The following DPP6 variants were observed in gnomAD, a reference collection of about 807,000 sequenced individuals.
The protein encoded by DPP6 is dipeptidyl peptidase like 6, also known as A-type potassium channel modulatory protein DPP6.
DPP6 carries 69 observed loss-of-function variants against 122.6 expected under a neutral mutation model. The observed-to-expected ratio is 0.56, with a 90% CI of 0.46 to 0.69. The LOEUF (loss-of-function observed/expected upper bound fraction) is 0.69, where lower values mean the gene tolerates loss of function less well. Among genes scored for constraint, DPP6 ranks in the 30% least tolerant of loss-of-function variants. The pLI, the probability that DPP6 is intolerant of heterozygous loss-of-function variation, is 0.00. For synonymous variants in DPP6, 418 were observed against 433.1 expected (o/e 0.97, Z 0.43); for missense variants, 928 against 1,116.9 (o/e 0.83, Z 2.41).
intron 1 of DPP6, among the ~76,000 whole-genome samples, chr7:153,927,401 T>C (rs1800951343): frequency 6.6e-6 from 1 of 152,250 alleles, no homozygotes; most frequent in Admixed American, 6.5e-5. Context: ...ATGTATACTT[T>C]GTAAAATGTG....
chr7:154,433,632 A>G (rs1414735650), intron 1 of DPP6, among the ~76,000 whole-genome samples: 1 of 152,184 alleles, frequency 6.6e-6, no homozygotes, highest in East Asian at 1.9e-4. Context: ...TGAGAAATAC[A>G]TGAAGCTATT....
At chr7:154,610,707 CTGTGTGTGTGTGTGTGTGTG>C (rs10525265) in intron 5 of DPP6, among the ~76,000 whole-genome samples, 61,967 of 121,854 alleles carry the variant, frequency 0.51, 13,059 homozygotes, top group Non-Finnish European at 0.57. Context: ...GTGTTGTTCT[CTGTGTGTGTGTGTGTGTGTG>C]TGTGTGTGTG....
intron 1 of DPP6, among the ~76,000 whole-genome samples, chr7:153,931,118 A>G (rs1203980466): frequency 6.6e-6 from 1 of 152,238 alleles, no homozygotes; most frequent in Non-Finnish European, 1.5e-5. Context: ...TTTCAGAAGC[A>G]GTCTCGGGAG....
At chr7:153,818,115 C>A in the DPP6 span, among the ~76,000 whole-genome samples, 9 of 151,454 alleles carry the variant, frequency 5.9e-5, no homozygotes, top group Non-Finnish European at 5.9e-5. Flanking sequence ...TGTAATCCAG[C>A]AATTCAAAGA....
intron 7 of DPP6, among the ~76,000 whole-genome samples, chr7:154,704,075 A>G (rs1840687325): frequency 6.6e-6 from 1 of 152,274 alleles, no homozygotes. Context: ...GAACATTCAT[A>G]TGCATTAGAG....
intron 1 of DPP6, among the ~76,000 whole-genome samples, chr7:153,915,071 T>G (rs534830319): frequency 2.6e-5 from 4 of 152,342 alleles, no homozygotes; most frequent in South Asian, 4.1e-4. Flanking sequence ...TGATTTCTCT[T>G]GGAGGAAGTG....
the DPP6 span, among the ~76,000 whole-genome samples, chr7:153,789,141 T>C: frequency 1.3e-5 from 2 of 152,152 alleles, no homozygotes; most frequent in Admixed American, 6.5e-5. Flanking sequence ...GCTTGGAAGA[T>C]GATGTTGTGT....
At chr7:154,597,688 A>G (rs1329549366) in intron 5 of DPP6, among the ~76,000 whole-genome samples, 1 of 152,156 alleles carries the variant, frequency 6.6e-6, no homozygotes, top group Non-Finnish European at 1.5e-5. Flanking sequence ...GTCTTCAACA[A>G]TGAAAATGTA....
At chr7:154,675,196 G>A (rs910298124) in intron 7 of DPP6, among the ~76,000 whole-genome samples, 2 of 152,046 alleles carry the variant, frequency 1.3e-5, no homozygotes, top group African/African-American at 2.4e-5. Context: ...CGTCCACACC[G>A]GGGCCTGTCC....
At position 153,958,359 on chromosome 7, in the gene DPP6, G is replaced by A. The variant is rs185707036; in HGVS notation, c.51+70625G>A. The stretch of plus-strand genomic sequence containing the variant: ...AAGCGTTGCCTCATTCCCTCCACCC[G>A]AGCAGGTAGAGAACAGGGAGGACCC... On this transcript the variant is annotated intron_variant, in intron 1 of 25. Coordinates refer to the DPP6 transcript ENST00000404039. 1.5e-4 allele frequency among the ~76,000 whole-genome samples: 23 copies of A among 152,168 alleles called. No homozygotes were observed. In the East Asian group the frequency reaches 3.5e-3, roughly 23 times the overall value.
chr7:154,547,756 C>A (rs958405532), intron 4 of DPP6, among the ~76,000 whole-genome samples: 1 of 152,056 alleles, frequency 6.6e-6, no homozygotes, highest in African/African-American at 2.4e-5. Flanking sequence ...CTCAGAGGGT[C>A]TCTCTCTCTC....
chr7:153,794,384 C>T, the DPP6 span, among the ~76,000 whole-genome samples: 1 of 152,182 alleles, frequency 6.6e-6, no homozygotes, highest in East Asian at 1.9e-4. Context: ...AATTTGACTG[C>T]CCTGCTGGAT....
Position 153,969,206 on chromosome 7 carries a change from C to T in DPP6, c.51+81472C>T, listed in dbSNP as rs570292539. The stretch of plus-strand genomic sequence containing the variant: ...TTGGTACCTTGCCACGTTAGAATGA[C>T]ACAAATCTCTCCCAGGTGGTGAGTA... On this transcript the variant is annotated intron_variant, in intron 1 of 25. Transcript: ENST00000404039. 2.0e-5 allele frequency among the ~76,000 whole-genome samples: 3 copies of T among 151,148 alleles called. No individual in the cohort carries two copies. In the East Asian group the frequency reaches 5.8e-4, roughly 29 times the overall value.
chr7:153,999,818 G>A (rs184739132), intron 1 of DPP6, among the ~76,000 whole-genome samples: 2 of 152,236 alleles, frequency 1.3e-5, no homozygotes, highest in Non-Finnish European at 2.9e-5. Context: ...AATTAGCTGG[G>A]CATGGTGGTA....
intron 1 of DPP6, among the ~76,000 whole-genome samples, chr7:154,242,318 T>C (rs1368918801): frequency 6.6e-6 from 1 of 152,156 alleles, no homozygotes; most frequent in Non-Finnish European, 1.5e-5. Flanking sequence ...GAAGCAGAGA[T>C]CAGATCAACT....
chr7:154,540,632 T>C lies in DPP6; in HGVS notation c.552+6T>C. 1 of 1,498,888 alleles carries C rather than the reference T, an allele frequency of 6.7e-7. No individual in the cohort carries two copies. Among genetic ancestry groups the C allele is most frequent in the East Asian group, 2.3e-5 (1 of 43,168 alleles). 92.8% of individuals were successfully genotyped at this position (1,498,888 alleles called of 1,614,324 possible). ...TAATAGAAGGCAAAAAAATTGTAAG[T>C]ACTCTCTTTAATGACCGGGATAATT... is the stretch of plus-strand genomic sequence containing the variant. On this transcript the variant is annotated splice_donor_region_variant and intron_variant, in intron 4 of 25. Transcript: ENST00000377770.
At chr7:153,966,615 A>C (rs1397392235) in intron 1 of DPP6, among the ~76,000 whole-genome samples, 1 of 85,006 alleles carries the variant, frequency 1.2e-5, no homozygotes. Flanking sequence ...TTTTTTAAAA[A>C]ATTATACTTT....
chr7:154,121,290 G>A (rs1437537947), intron 1 of DPP6, among the ~76,000 whole-genome samples: 2 of 152,014 alleles, frequency 1.3e-5, no homozygotes, highest in Non-Finnish European at 2.9e-5. Flanking sequence ...ATTATTTATT[G>A]TTTCCTTCCC....
intron 7 of DPP6, among the ~76,000 whole-genome samples, chr7:154,680,153 A>T (rs1260777785): frequency 6.6e-6 from 1 of 152,154 alleles, no homozygotes. Flanking sequence ...TCATAGGATT[A>T]TGGGGGAAGT....
Sources: allele counts gnomAD v4.1 joint callset (sites outside exome capture counted in the v4.1 genomes callset), GRCh38; gene constraint gnomAD v4.1.1; transcripts MANE v1.5; gene names NCBI Gene and HGNC (gene_info 2026-07-23, HGNC 2026-07-21).